The following ANKS1A variants were observed in gnomAD, a reference collection of about 807,000 sequenced individuals.
ANKS1A encodes the protein ankyrin repeat and SAM domain-containing protein 1A.
In ANKS1A, 55 loss-of-function variants were observed where a neutral mutation model predicts 120.3. The ratio of observed to expected loss-of-function variants is 0.46; its 90% confidence interval spans 0.37 to 0.57. The LOEUF (loss-of-function observed/expected upper bound fraction) is 0.57, where lower values mean the gene tolerates loss of function less well. Ranked by LOEUF, ANKS1A falls within the 20% of genes least tolerant of loss-of-function variation. The pLI, the probability that ANKS1A is intolerant of heterozygous loss-of-function variation, is 0.00. For missense variants in ANKS1A, 1,123 were observed against 1,480.3 expected, an observed-to-expected ratio of 0.76 and a Z score of 3.96; for synonymous variants, 590 against 604.7, an observed-to-expected ratio of 0.98 and a Z score of 0.36.
intron 10 of ANKS1A, among the ~76,000 whole-genome samples, chr6:35,016,707 A>T (rs1365827709): frequency 1.3e-5 from 2 of 151,758 alleles, no homozygotes; most frequent in African/African-American, 2.4e-5. Context: ...CTAAGGTTAA[A>T]CTTAAACAAA....
intron 10 of ANKS1A, among the ~76,000 whole-genome samples, chr6:35,016,291 A>G (rs563011064): frequency 2.6e-5 from 4 of 152,302 alleles, no homozygotes; most frequent in Admixed American, 1.3e-4. Context: ...TTTTGGTTCT[A>G]AGATTCTCTG....
intron 10 of ANKS1A, among the ~76,000 whole-genome samples, chr6:35,001,059 A>G (rs1346800662): frequency 1.3e-5 from 2 of 152,362 alleles, no homozygotes; most frequent in East Asian, 1.9e-4. Context: ...CCTTATGGTC[A>G]AACATGAAAA....
At chr6:35,071,838 T>C (rs992516330) in intron 13 of ANKS1A, among the ~76,000 whole-genome samples, 6 of 152,370 alleles carry the variant, frequency 3.9e-5, no homozygotes, top group Admixed American at 2.6e-4. Flanking sequence ...TGCCCCATCC[T>C]GTAGACAGGG....
At chr6:35,091,952 T>G (rs763399513), downstream of ANKS1A, among the ~76,000 whole-genome samples, 36 of 152,090 alleles carry the variant, frequency 2.4e-4, no homozygotes, top group South Asian at 1.2e-3. Context: ...CTGAGCTGTA[T>G]TTAAAGGGGA....
At chr6:34,935,729 C>A (rs1008855498) in intron 1 of ANKS1A, among the ~76,000 whole-genome samples, 1 of 152,120 alleles carries the variant, frequency 6.6e-6, no homozygotes, top group East Asian at 1.9e-4. Context: ...ATAAGGAGAA[C>A]CTTGAAAGAA....
intron 11 of ANKS1A, among the ~76,000 whole-genome samples, chr6:35,029,583 C>T (rs1256375514): frequency 1.3e-5 from 2 of 151,644 alleles, no homozygotes; most frequent in African/African-American, 2.4e-5. Flanking sequence ...CTCCTGACCT[C>T]AGGTGATCCA....
chr6:34,996,579 TCTC>T (rs1369406058), intron 10 of ANKS1A, among the ~76,000 whole-genome samples: 1 of 152,056 alleles, frequency 6.6e-6, no homozygotes, highest in Non-Finnish European at 1.5e-5. Flanking sequence ...TTCAAGCAAT[TCTC>T]CTGCCTCAGC....
intron 1 of ANKS1A, among the ~76,000 whole-genome samples, chr6:34,936,114 G>C (rs1769244316): frequency 6.6e-6 from 1 of 151,116 alleles, no homozygotes; most frequent in African/African-American, 2.4e-5. Flanking sequence ...GTGGTGGTGA[G>C]ATTAGCATGT....
chr6:34,929,545 A>G (rs1480665686), intron 1 of ANKS1A, among the ~76,000 whole-genome samples: 18 of 152,086 alleles, frequency 1.2e-4, no homozygotes, highest in Non-Finnish European at 1.5e-5. Context: ...TTTTTCATCA[A>G]TGTCATTTGG....
At chr6:35,072,961 A>AT (rs1407782055) in intron 13 of ANKS1A, among the ~76,000 whole-genome samples, 1 of 152,230 alleles carries the variant, frequency 6.6e-6, no homozygotes, top group South Asian at 2.1e-4. Context: ...GGTTGGTCAG[A>AT]TGGGGCCTGA....
At chr6:34,954,291 A>G (rs1770235384) in intron 1 of ANKS1A, among the ~76,000 whole-genome samples, 1 of 152,168 alleles carries the variant, frequency 6.6e-6, no homozygotes, top group Non-Finnish European at 1.5e-5. Context: ...TAATCCTTAG[A>G]GCAAATGTAC....
intron 1 of ANKS1A, among the ~76,000 whole-genome samples, chr6:34,942,998 C>G (rs905359094): frequency 6.6e-6 from 1 of 150,946 alleles, no homozygotes; most frequent in Non-Finnish European, 1.5e-5. Flanking sequence ...TTCTTTCTCT[C>G]CCTCTGTTGG....
chr6:35,031,224 C>G (rs944723952), intron 11 of ANKS1A, among the ~76,000 whole-genome samples: 5 of 152,142 alleles, frequency 3.3e-5, no homozygotes, highest in African/African-American at 9.7e-5. Flanking sequence ...AGCCTCTTCC[C>G]TGTTGTGCTC....
Position 35,084,340 on chromosome 6 carries a change from G to A in ANKS1A, c.3132+82G>A, listed in dbSNP as rs547725988. The A allele has an allele frequency of 3.0e-4, 464 of 1,552,084 alleles. No homozygotes were observed. Among genetic ancestry groups the A allele is most frequent in the Middle Eastern group, 1.6e-3 (7 of 4,408 alleles). On this transcript the variant is annotated intron_variant, in intron 21 of 23. Coordinates refer to ENST00000360359, the MANE Select transcript of ANKS1A (RefSeq NM_015245.3). This position sits in a 1 kb window ranked among gnomAD's most constrained non-coding sequence, Gnocchi z 4.8. ...CAGCCCCATTGCAGGGCACAGATGCGGCGCTGTCCTGGCCCCTGGCCAGTG... is the reference window on the plus strand; with the variant it reads ...CAGCCCCATTGCAGGGCACAGATGCAGCGCTGTCCTGGCCCCTGGCCAGTG...
chr6:35,020,556 T>C (rs1478518114), intron 11 of ANKS1A, among the ~76,000 whole-genome samples: 1 of 152,212 alleles, frequency 6.6e-6, no homozygotes, highest in Non-Finnish European at 1.5e-5. Flanking sequence ...ACCTCTTCTT[T>C]ATGGCTCCTT....
chr6:34,988,335 G>A (rs1276106910), intron 8 of ANKS1A, among the ~76,000 whole-genome samples: 3 of 152,150 alleles, frequency 2.0e-5, no homozygotes, highest in Non-Finnish European at 2.9e-5. Context: ...GGTGGCTTAC[G>A]CCTGTAATCC....
intron 1 of ANKS1A, among the ~76,000 whole-genome samples, chr6:34,942,456 A>G (rs1023897360): frequency 2.0e-4 from 31 of 152,184 alleles, no homozygotes; most frequent in Admixed American, 6.5e-5. Flanking sequence ...TCCAGTGTTT[A>G]CGTTTCATAC....
intron 10 of ANKS1A, among the ~76,000 whole-genome samples, chr6:35,004,129 C>G (rs1022234518): frequency 2.8e-5 from 4 of 142,086 alleles, no homozygotes; most frequent in Admixed American, 7.5e-5. Flanking sequence ...CTCAGTCGAT[C>G]ACGACCCTCT....
rs748181297 is a variant in ANKS1A, at chr6:34,976,136, C to CAA, written c.436-5540_436-5539dup. Among the ~76,000 whole-genome samples, 114 of 87,586 alleles carry CAA rather than the reference C, an allele frequency of 1.3e-3. 3 individuals are homozygous for CAA. The highest frequency in any genetic ancestry group is 4.5e-3 in the South Asian group (10 of 2,206). The allele number at this position is 87,586 out of a possible 152,430, so 57.5% of individuals were successfully genotyped here. A position where few individuals can be genotyped will look rare whatever the true frequency, so the allele number is the denominator to read the frequency against. On this transcript the variant is annotated intron_variant, in intron 3 of 23. Coordinates refer to ENST00000360359, the MANE Select transcript of ANKS1A (RefSeq NM_015245.3). ...CTGGATGACAGAGGAGACTCCATCT[C>CAA]AAAAAAAAAAAAAAAGAAAAGAAAA...
Sources: gnomAD v4.1 joint callset for allele counts (sites outside exome capture counted in the v4.1 genomes callset) on GRCh38, gnomAD v4.1.1 for gene constraint, Gnocchi (gnomAD v3.1) non-coding constraint, MANE v1.5 for transcripts, NCBI Gene and HGNC (gene_info 2026-07-23, HGNC 2026-07-21) for gene names.